The following WNT7B variants were observed in gnomAD, a reference collection of about 807,000 sequenced individuals.
WNT7B encodes protein Wnt-7b.
A neutral mutation model predicts 38.2 loss-of-function variants in WNT7B; 19 were observed. The ratio of observed to expected loss-of-function variants is 0.50; its 90% CI spans 0.35 to 0.73. WNT7B has a LOEUF of 0.73. Ranked by LOEUF, WNT7B falls within the 30% of genes least tolerant of loss-of-function variation. The pLI is 0.01. For missense variants in WNT7B, 423 were observed against 507.9 expected (o/e 0.83, Z 1.61); for synonymous variants, 243 against 209.3 (o/e 1.16, Z -1.39).
rs73457143 is a variant in WNT7B at position 45,922,713 on chromosome 22, C to T, written c.*143G>A. On this transcript the variant is annotated 3_prime_UTR_variant, in exon 4 of 4. Coordinates refer to ENST00000339464, the MANE Select transcript of WNT7B (RefSeq NM_058238.3). ...GCGGGCAGAGGGCGTGGGCCCCGGC[C>T]GGTGCCCTCCTGCACCTGGAGCTCC... 4.1e-3 allele frequency: 5,504 copies of T among 1,346,634 alleles called. 173 individuals are homozygous for T. The African/African-American group carries it at 0.073, about 18-fold the overall frequency. The allele number at this position is 1,346,634 out of a possible 1,614,324, so 83.4% of individuals were successfully genotyped here. A position where few individuals can be genotyped will look rare whatever the true frequency, so the allele number is the denominator to read the frequency against.
intron 3 of WNT7B, among the ~76,000 whole-genome samples, chr22:45,923,860 C>T (rs1931000614): frequency 6.6e-6 from 1 of 152,178 alleles, no homozygotes; most frequent in Non-Finnish European, 1.5e-5. Flanking sequence ...TGGCCCTCGG[C>T]GCACGTTGCC....
intron 1 of WNT7B, among the ~76,000 whole-genome samples, chr22:45,962,525 A>G (rs1030091003): frequency 8.5e-5 from 13 of 152,074 alleles, no homozygotes; most frequent in African/African-American, 3.1e-4. Context: ...CTCCTCCTCC[A>G]AGAAGTCCAC....
intron 3 of WNT7B, chr22:45,925,612 G>A: frequency 8.1e-6 from 8 of 985,156 alleles, no homozygotes; most frequent in Non-Finnish European, 9.6e-6. Context: ...CCAGCTCCCT[G>A]TTCATCTCTG....
intron 1 of WNT7B, among the ~76,000 whole-genome samples, chr22:45,955,800 G>A (rs1027690151): frequency 6.6e-6 from 1 of 152,184 alleles, no homozygotes; most frequent in African/African-American, 2.4e-5. Context: ...TAGCCCTGCA[G>A]ACAAGAAGCC....
rs1327187480 is a variant in WNT7B at position 45,951,834 on chromosome 22, G to T, written c.72-1688C>A. On this transcript the variant is annotated intron_variant, in intron 1 of 3. Coordinates refer to ENST00000339464, the MANE Select transcript of WNT7B (RefSeq NM_058238.3). The surrounding 1 kb of genome is among the most constrained non-coding windows in gnomAD (Gnocchi z 4.8). ...CCTTTGGACTACTGTGAGTGATGCC[G>T]CCATGAACGTGCGGGTAAGGTTTCT... Among the ~76,000 whole-genome samples, 1 of 152,190 alleles carries T rather than the reference G, an allele frequency of 6.6e-6. No individual in the cohort carries two copies. Among genetic ancestry groups the T allele is most frequent in the East Asian group, 1.9e-4 (1 of 5,186 alleles).
chr22:45,957,981 C>T (rs946767509), intron 1 of WNT7B, among the ~76,000 whole-genome samples: 4 of 152,228 alleles, frequency 2.6e-5, no homozygotes, highest in East Asian at 1.9e-4. Flanking sequence ...AACAGCCCAC[C>T]GCAGCAGCTC....
chr22:45,938,359 G>A (rs1931562354), intron 2 of WNT7B, among the ~76,000 whole-genome samples: 1 of 152,122 alleles, frequency 6.6e-6, no homozygotes, highest in Non-Finnish European at 1.5e-5. Context: ...AAAGATGGCT[G>A]GGTGCTGTGG....
chr22:45,955,931 A>C (rs1209891186), intron 1 of WNT7B, among the ~76,000 whole-genome samples: 1 of 152,126 alleles, frequency 6.6e-6, no homozygotes, highest in Admixed American at 6.5e-5. Flanking sequence ...CCCCTGTACA[A>C]GGAGGGGCTG....
intron 1 of WNT7B, among the ~76,000 whole-genome samples, chr22:45,970,247 G>C (rs10453459): frequency 0.54 from 82,270 of 152,056 alleles, 22,572 homozygotes; most frequent in East Asian, 0.69. Context: ...TCCTGTCCCC[G>C]ACGACCCAGG....
chr22:45,958,220 C>T (rs1342942149), intron 1 of WNT7B, among the ~76,000 whole-genome samples: 1 of 152,062 alleles, frequency 6.6e-6, no homozygotes, highest in South Asian at 2.1e-4. Context: ...GGCTAAGACC[C>T]TCACCTGGGC....
chr22:45,969,128 T>C (rs907290053), intron 1 of WNT7B, among the ~76,000 whole-genome samples: 1 of 152,342 alleles, frequency 6.6e-6, no homozygotes, highest in African/African-American at 2.4e-5. Flanking sequence ...CTTCTGGGAC[T>C]GTGGCTGGCA....
At chr22:45,935,486 G>A (rs1012000573) in intron 2 of WNT7B, among the ~76,000 whole-genome samples, 11 of 152,130 alleles carry the variant, frequency 7.2e-5, no homozygotes, top group African/African-American at 2.4e-4. Flanking sequence ...CTCCCTTCCT[G>A]GAATACCTGC....
intron 1 of WNT7B, among the ~76,000 whole-genome samples, chr22:45,973,175 T>C (rs935213212): frequency 6.6e-6 from 1 of 152,252 alleles, no homozygotes; most frequent in Admixed American, 6.5e-5. Flanking sequence ...TTGCTCTCCT[T>C]TGAGCGGTTG....
At chr22:45,955,695 T>C (rs1932042798) in intron 1 of WNT7B, among the ~76,000 whole-genome samples, 1 of 152,172 alleles carries the variant, frequency 6.6e-6, no homozygotes, top group Non-Finnish European at 1.5e-5. Context: ...ACAGGCGAGA[T>C]GCCAGGTGGG....
intron 2 of WNT7B, among the ~76,000 whole-genome samples, chr22:45,937,913 G>A (rs530587618): frequency 9.2e-4 from 140 of 152,264 alleles, no homozygotes; most frequent in African/African-American, 3.2e-3. Context: ...GGAGGTTGAG[G>A]TAGGAGAATC....
intron 3 of WNT7B, chr22:45,925,285 G>GCTGGCAGC: frequency 1.0e-6 from 1 of 985,422 alleles, no homozygotes. Flanking sequence ...TGGGCCCTAG[G>GCTGGCAGC]CTGGCAGCCT....
Position 45,957,682 on chromosome 22 carries a change from CAAAAAAAAAAAAAAA to C in WNT7B, c.72-7551_72-7537del, listed in dbSNP as rs367797133. Among the ~76,000 whole-genome samples the C allele has an allele frequency of 1.4e-4, 5 of 36,012 alleles. 1 individual carries two copies. Among genetic ancestry groups the C allele is most frequent in the Non-Finnish European group, 2.0e-4 (4 of 20,004 alleles). 23.6% of individuals were successfully genotyped at this position (36,012 alleles called of 152,430 possible). ...TGCGTGAGGGAGCAAGACTCCGTCT[CAAAAAAAAAAAAAAA>C]AAAAAAAAAAAAAAACAGAAAACAC... On this transcript the variant is annotated intron_variant, in intron 1 of 3. Coordinates refer to ENST00000339464, the MANE Select transcript of WNT7B (RefSeq NM_058238.3).
chr22:45,959,739 C>A (rs1932153718), intron 1 of WNT7B, among the ~76,000 whole-genome samples: 1 of 152,166 alleles, frequency 6.6e-6, no homozygotes, highest in African/African-American at 2.4e-5. Context: ...CGGCTCCCAA[C>A]CTGGCACCCA....
At chr22:45,927,306 C>A in intron 3 of WNT7B, 1 of 985,410 alleles carries the variant, frequency 1.0e-6, no homozygotes, top group Non-Finnish European at 1.2e-6. Flanking sequence ...CCCCCGCCCC[C>A]CAGGGAGCTT....
Sources: allele counts gnomAD v4.1 joint callset (sites outside exome capture counted in the v4.1 genomes callset), GRCh38; gene constraint gnomAD v4.1.1; non-coding constraint Gnocchi (gnomAD v3.1); transcripts MANE v1.5; gene names NCBI Gene and HGNC (gene_info 2026-07-23, HGNC 2026-07-21).